Variants in KCNQ5 observed in about 807,000 individuals in gnomAD.
The protein encoded by KCNQ5 is potassium voltage-gated channel subfamily KQT member 5.
KCNQ5 carries 30 observed loss-of-function variants against 98.2 expected under a neutral mutation model. The ratio of observed to expected loss-of-function variants is 0.31; its 90% CI spans 0.23 to 0.41. The LOEUF (loss-of-function observed/expected upper bound fraction) is 0.41. KCNQ5 is among the 10% of genes least tolerant of loss of function. The probability of loss-of-function intolerance (pLI) is 1.00; values close to 1 mark genes in which losing one functional copy is unlikely to be tolerated. For synonymous variants in KCNQ5, 458 were observed against 449.4 expected (o/e 1.02, Z -0.24); for missense variants, 835 against 1,182.5 (o/e 0.71, Z 4.31).
At chr6:72,713,855 C>A (rs1378577900) in intron 1 of KCNQ5, among the ~76,000 whole-genome samples, 1 of 152,148 alleles carries the variant, frequency 6.6e-6, no homozygotes, top group Non-Finnish European at 1.5e-5. Context: ...GACTCTCTTG[C>A]CTTTCTAGCT....
At chr6:72,699,484 A>C (rs1034310608) in intron 1 of KCNQ5, among the ~76,000 whole-genome samples, 2 of 152,112 alleles carry the variant, frequency 1.3e-5, no homozygotes, top group Admixed American at 1.3e-4. Flanking sequence ...TCCAGAATGA[A>C]TTATTTAAGT....
chr6:72,779,429 G>A (rs978484234), intron 1 of KCNQ5, among the ~76,000 whole-genome samples: 3 of 152,142 alleles, frequency 2.0e-5, no homozygotes, highest in African/African-American at 7.2e-5. Context: ...AGAGAGTGGT[G>A]GGACAGAAGG....
intron 1 of KCNQ5, among the ~76,000 whole-genome samples, chr6:72,963,808 G>A (rs1052721008): frequency 6.6e-6 from 1 of 152,020 alleles, no homozygotes; most frequent in Non-Finnish European, 1.5e-5. Context: ...GACCACAGGC[G>A]CACACCACCA....
rs1325356049 is a variant in KCNQ5 at position 72,931,862 on chromosome 6, C to T, written c.399-72046C>T. ...CAGAGAGAGCTTCCAGATTGTAGTC[C>T]CCAAAGGCTAGAGTTGAGGGAGGAA... On this transcript the variant is annotated intron_variant, in intron 1 of 13. Transcript: ENST00000370398. Among the ~76,000 whole-genome samples, 3 of 152,118 alleles carry T rather than the reference C, an allele frequency of 2.0e-5. No homozygotes were observed. In the East Asian group the frequency reaches 5.8e-4, roughly 29 times the overall value.
intron 1 of KCNQ5, among the ~76,000 whole-genome samples, chr6:72,888,975 T>C (rs1778954993): frequency 6.6e-6 from 1 of 152,112 alleles, no homozygotes; most frequent in Admixed American, 6.5e-5. Flanking sequence ...TTTGTATATG[T>C]ATAGGAAGAT....
chr6:72,771,031 A>G (rs1321911114), intron 1 of KCNQ5, among the ~76,000 whole-genome samples: 1 of 152,144 alleles, frequency 6.6e-6, no homozygotes, highest in African/African-American at 2.4e-5. Context: ...TAACCAAAGA[A>G]TGCCAGTAAA....
intron 1 of KCNQ5, among the ~76,000 whole-genome samples, chr6:72,849,115 T>TAC (rs57312980): frequency 0.088 from 12,979 of 147,424 alleles, 563 homozygotes; most frequent in Middle Eastern, 0.12. Context: ...TATGTACACA[T>TAC]ACACACACAC....
chr6:73,190,481 CCA>C, intron 11 of KCNQ5, 90 bp from the exon 12 acceptor site: 1 of 623,224 alleles, frequency 1.6e-6, no homozygotes, highest in Non-Finnish European at 2.4e-6. Flanking sequence ...ACTTTTCCCC[CCA>C]GAGTTTCTTA....
chr6:73,157,012 G>T (rs1187412351), intron 10 of KCNQ5, among the ~76,000 whole-genome samples: 1 of 152,224 alleles, frequency 6.6e-6, no homozygotes, highest in East Asian at 1.9e-4. Context: ...AAGCGTGGTG[G>T]GTGCAGGGGC....
intron 1 of KCNQ5, among the ~76,000 whole-genome samples, chr6:72,970,955 T>C (rs1382631405): frequency 6.6e-6 from 1 of 152,216 alleles, no homozygotes; most frequent in Non-Finnish European, 1.5e-5. Context: ...ACTTCATGTC[T>C]AAAACACCAA....
At chr6:72,955,989 C>A (rs1404417291) in intron 1 of KCNQ5, among the ~76,000 whole-genome samples, 1 of 152,108 alleles carries the variant, frequency 6.6e-6, no homozygotes, top group Non-Finnish European at 1.5e-5. Context: ...TAAAATATCC[C>A]AGGTACTAAA....
intron 1 of KCNQ5, among the ~76,000 whole-genome samples, chr6:72,693,751 A>C (rs989649759): frequency 1.3e-5 from 2 of 152,170 alleles, no homozygotes. Context: ...GAGGCATTAA[A>C]ACTAGCACCC....
At chr6:73,006,603 G>A (rs1242266153) in intron 2 of KCNQ5, among the ~76,000 whole-genome samples, 5 of 151,880 alleles carry the variant, frequency 3.3e-5, no homozygotes, top group Non-Finnish European at 5.9e-5. Context: ...CAGTGAACCG[G>A]GATCGCACCA....
intron 1 of KCNQ5, among the ~76,000 whole-genome samples, chr6:72,795,422 A>T (rs995823575): frequency 3.9e-5 from 6 of 152,246 alleles, no homozygotes; most frequent in Non-Finnish European, 7.3e-5. Context: ...TATTGCATAT[A>T]TTATAGTAAC....
chr6:73,086,235 T>C (rs1187551168), intron 5 of KCNQ5, among the ~76,000 whole-genome samples: 1 of 152,062 alleles, frequency 6.6e-6, no homozygotes, highest in Non-Finnish European at 1.5e-5. Context: ...CCCAAGCCTC[T>C]TTGCCTATTC....
chr6:72,700,488 T>C (rs1161548718), intron 1 of KCNQ5, among the ~76,000 whole-genome samples: 1 of 152,188 alleles, frequency 6.6e-6, no homozygotes, highest in Non-Finnish European at 1.5e-5. Context: ...TGGTGGAGTG[T>C]CTACTCTTAA....
Position 73,195,054 on chromosome 6 carries a change from A to G in KCNQ5, c.2439A>G (p.Glu813=). Residue 813 remains glutamate (E), a synonymous_variant, in exon 14 of 14, where the codon GAA becomes GAG. Transcript: ENST00000370398. ...SMRKSFDMGG[E]TLLSVCPMVP... ...GGAAAAGCTTTGACATGGGAGGAGA[A>G]ACTCTGTTGTCTGTCTGTCCCATGG... 14 of 1,614,202 alleles carry G rather than the reference A, an allele frequency of 8.7e-6. No homozygotes were observed. Among genetic ancestry groups the G allele is most frequent in the Non-Finnish European group, 1.2e-5 (14 of 1,180,036 alleles).
At chr6:72,829,785 A>C (rs1438093695) in intron 1 of KCNQ5, among the ~76,000 whole-genome samples, 1 of 152,160 alleles carries the variant, frequency 6.6e-6, no homozygotes, top group Non-Finnish European at 1.5e-5. Flanking sequence ...AGACAAAGTA[A>C]ATTTTCAAGT....
At position 73,060,581 on chromosome 6, in the gene KCNQ5, G is replaced by A. The variant is rs547982353; in HGVS notation, c.617-16741G>A. Among the ~76,000 whole-genome samples, 5 of 152,150 alleles carry A rather than the reference G, an allele frequency of 3.3e-5. No individual in the cohort carries two copies. The East Asian group carries it at 9.7e-4, about 29-fold the overall frequency. On this transcript the variant is annotated intron_variant, in intron 3 of 13. Coordinates refer to ENST00000370398, the MANE Select transcript of KCNQ5 (RefSeq NM_019842.4). ...AGAATACATAAAATCAAAGAATACTGTATGATAAACTAAACAGCAACGTCA... is the reference window on the plus strand; with the variant it reads ...AGAATACATAAAATCAAAGAATACTATATGATAAACTAAACAGCAACGTCA...
Sources: allele counts gnomAD v4.1 joint callset (sites outside exome capture counted in the v4.1 genomes callset), GRCh38; gene constraint gnomAD v4.1.1; transcripts MANE v1.5; gene names NCBI Gene and HGNC (gene_info 2026-07-23, HGNC 2026-07-21).